The following FRG1 variants were observed in gnomAD, a reference collection of about 807,000 sequenced individuals.
The protein encoded by FRG1 is protein FRG1.
A neutral mutation model predicts 37.0 loss-of-function variants in FRG1; 19 were observed. The observed-to-expected ratio is 0.51, with a 90% CI of 0.36 to 0.75. The LOEUF is 0.75. Among genes scored for constraint, FRG1 ranks in the 30% least tolerant of loss-of-function variants. The pLI is 0.00. For missense variants in FRG1, 243 were observed against 301.4 expected, an observed-to-expected ratio of 0.81 and a Z score of 1.44; for synonymous variants, 73 against 96.5, an observed-to-expected ratio of 0.76 and a Z score of 1.43.
At chr4:189,954,182 A>G (rs1208020375) in intron 4 of FRG1, among the ~76,000 whole-genome samples, 2 of 152,080 alleles carry the variant, frequency 1.3e-5, no homozygotes, top group Non-Finnish European at 2.9e-5. Flanking sequence ...CAGGTTTTCA[A>G]GTATTTTTTT....
chr4:189,944,358 A>G (rs940192802), intron 2 of FRG1, among the ~76,000 whole-genome samples: 1 of 152,104 alleles, frequency 6.6e-6, no homozygotes, highest in Non-Finnish European at 1.5e-5. Flanking sequence ...TTGTGTTTTT[A>G]GTAGCAACAG....
At chr4:189,959,148 A>C (rs925572503) in intron 6 of FRG1, among the ~76,000 whole-genome samples, 29 of 152,260 alleles carry the variant, frequency 1.9e-4, no homozygotes, top group Non-Finnish European at 3.5e-4. Context: ...ACTTCATGTT[A>C]GATTTCCTGT....
At chr4:189,943,175 C>T (rs1429906426) in intron 1 of FRG1, 27 bp from the exon 2 acceptor site, 5 of 1,539,024 alleles carry the variant, frequency 3.2e-6, no homozygotes, top group African/African-American at 1.4e-5. Flanking sequence ...TATACCTAAA[C>T]TCGTCTATAT....
intron 8 of FRG1, among the ~76,000 whole-genome samples, chr4:189,962,688 T>C (rs1737287488): frequency 6.6e-6 from 1 of 152,184 alleles, no homozygotes; most frequent in Non-Finnish European, 1.5e-5. Flanking sequence ...TGAATATGTA[T>C]CTCATTGTAA....
intron 3 of FRG1, 86 bp downstream of exon 3, chr4:189,952,373 C>T (rs1736793642): frequency 7.9e-7 from 1 of 1,263,026 alleles, no homozygotes. Context: ...TAGTCTCAAA[C>T]ATTTTCCAAA....
At chr4:189,956,756 A>G (rs1043363339) in intron 5 of FRG1, among the ~76,000 whole-genome samples, 1 of 152,252 alleles carries the variant, frequency 6.6e-6, no homozygotes, top group African/African-American at 2.4e-5. Flanking sequence ...AATCAACCAA[A>G]TACAAGTTAT....
chr4:189,948,350 G>C (rs542476993), intron 2 of FRG1, among the ~76,000 whole-genome samples: 3 of 152,294 alleles, frequency 2.0e-5, no homozygotes, highest in Admixed American at 6.5e-5. Flanking sequence ...ACTGAGCTCT[G>C]CTAGATTCAG....
At position 189,963,117 on chromosome 4, in the gene FRG1, A is replaced by C. The variant is rs201723651; in HGVS notation, c.765A>C (p.Arg255Ser). 1 of 1,612,288 alleles carries C rather than the reference A, an allele frequency of 6.2e-7. No homozygotes were observed. The highest frequency in any genetic ancestry group is 8.5e-7 in the Non-Finnish European group (1 of 1,178,950). Residue 255 changes from arginine (R) to serine (S), a missense_variant, in exon 9 of 9, where the codon AGA becomes AGC. Arg to Ser is a moderately radical substitution (Grantham distance 110, BLOSUM62 -1). Around this residue, in one of 2 missense-constraint regions of FRG1, gnomAD observed 133 missense variants for 199.3 expected, o/e 0.67. Coordinates refer to ENST00000226798, the MANE Select transcript of FRG1 (RefSeq NM_004477.3). ...LDRRAKLKAD[R>S]YCK ...GGAGAGCCAAATTGAAAGCCGACAG[A>C]TACTGCAAGTGACTGGGATTTTTGT...
chr4:189,941,534 G>A (rs1736301485), intron 1 of FRG1, among the ~76,000 whole-genome samples: 2 of 152,212 alleles, frequency 1.3e-5, no homozygotes, highest in African/African-American at 2.4e-5. Flanking sequence ...GGGCTTTAGG[G>A]ATATGGGCTC....
In FRG1 at chr4:189,957,383, A is replaced by G. The variant is rs547064801; in HGVS notation, c.433-15A>G. On this transcript the variant is annotated splice_polypyrimidine_tract_variant and intron_variant, in intron 5 of 8. Transcript: ENST00000226798. The stretch of plus-strand genomic sequence containing the variant: ...GAAGTATCCTCATGGCTATTTTGTT[A>G]TTTGTTTCACTTAGGGGAAAATGGC... 6.5e-7 allele frequency: 1 copy of G among 1,530,472 alleles called. No homozygotes were observed. The highest frequency in any genetic ancestry group is 2.4e-5 in the East Asian group (1 of 42,086). The allele number at this position is 1,530,472 out of a possible 1,614,324, so 94.8% of individuals were successfully genotyped here. A position where few individuals can be genotyped will look rare whatever the true frequency, so the allele number is the denominator to read the frequency against.
intron 5 of FRG1, 73 bp downstream of exon 5, chr4:189,955,224 T>C (rs1416860311): frequency 1.1e-6 from 1 of 879,662 alleles, no homozygotes; most frequent in Non-Finnish European, 1.9e-6. Context: ...AATCATAATA[T>C]ATTTAAAAAG....
At position 189,941,073 on chromosome 4, in the gene FRG1, T is replaced by G; in HGVS notation, c.62+2T>G. ...GCTCAAGGGAACCAAGACGAAGAGG[T>G]GGGTCCTGCAGCTTGGGCGGGAGCC... On this transcript the variant is annotated splice_donor_variant, in intron 1 of 8. Transcript: ENST00000226798. LOFTEE classifies it high-confidence loss of function. 17 of 1,613,500 alleles carry G rather than the reference T, an allele frequency of 1.1e-5. No individual in the cohort carries two copies. Among genetic ancestry groups the G allele is most frequent in the Non-Finnish European group, 1.4e-5 (17 of 1,179,560 alleles).
chr4:189,963,133 G>A lies in FRG1; in HGVS notation c.*4G>A, dbSNP rs1208000039. On this transcript the variant is annotated 3_prime_UTR_variant, in exon 9 of 9. Coordinates refer to ENST00000226798, the MANE Select transcript of FRG1 (RefSeq NM_004477.3). Reference sequence around the variant, plus strand: ...AGCCGACAGATACTGCAAGTGACTGGGATTTTTGTTTCTGCCTTATCTTTC... The same window carrying A: ...AGCCGACAGATACTGCAAGTGACTGAGATTTTTGTTTCTGCCTTATCTTTC... 1.9e-6 allele frequency: 3 copies of A among 1,610,832 alleles called. No individual in the cohort carries two copies. In the African/African-American group the frequency reaches 4.0e-5, roughly 22 times the overall value.
chr4:189,941,969 A>G (rs1253516436), intron 1 of FRG1: 1 of 302,748 alleles, frequency 3.3e-6, no homozygotes, highest in Non-Finnish European at 6.7e-6. Context: ...CCTCTCGAGG[A>G]GTCTGGCCTC....
At chr4:189,948,452 G>A (rs1314307311) in intron 2 of FRG1, among the ~76,000 whole-genome samples, 3 of 152,154 alleles carry the variant, frequency 2.0e-5, no homozygotes, top group African/African-American at 4.8e-5. Flanking sequence ...ATTAATAGAA[G>A]GTCTGTGAAG....
chr4:189,950,725 T>C (rs1049662050), intron 2 of FRG1, among the ~76,000 whole-genome samples: 5 of 152,002 alleles, frequency 3.3e-5, no homozygotes, highest in African/African-American at 1.2e-4. Flanking sequence ...ATATAATGAG[T>C]CCCCCATGTG....
At chr4:189,941,434 CTCTTT>C (rs1383023258) in intron 1 of FRG1, among the ~76,000 whole-genome samples, 12 of 152,200 alleles carry the variant, frequency 7.9e-5, no homozygotes, top group Non-Finnish European at 1.5e-4. Flanking sequence ...TCTCCATTGT[CTCTTT>C]TCTTTCTAGA....
intron 2 of FRG1, among the ~76,000 whole-genome samples, 175 bp downstream of exon 2, chr4:189,943,447 C>A (rs1736404890): frequency 6.6e-6 from 1 of 152,088 alleles, no homozygotes; most frequent in Non-Finnish European, 1.5e-5. Flanking sequence ...GCTACTGATG[C>A]CTTTACTTCA....
chr4:189,943,413 C>T lies in FRG1; in HGVS notation c.133+141C>T, dbSNP rs1409575691. 4 of 946,342 alleles carry T rather than the reference C, an allele frequency of 4.2e-6. No individual in the cohort carries two copies. The Admixed American group carries it at 7.6e-5, about 18-fold the overall frequency. 58.6% of individuals were successfully genotyped at this position (946,342 alleles called of 1,614,324 possible). Reference sequence around the variant, plus strand: ...AAATATTACCTACAGTTATAAATTCCATTTATTCTTTAACACAGTAGATGC... The same window carrying T: ...AAATATTACCTACAGTTATAAATTCTATTTATTCTTTAACACAGTAGATGC... On this transcript the variant is annotated intron_variant, in intron 2 of 8. Transcript: ENST00000226798.
Sources: allele counts gnomAD v4.1 joint callset (sites outside exome capture counted in the v4.1 genomes callset), GRCh38; gene constraint gnomAD v4.1.1; regional missense constraint gnomAD v4.1.1; transcripts MANE v1.5; gene names NCBI Gene and HGNC (gene_info 2026-07-23, HGNC 2026-07-21).